The following GYPE variants were observed in gnomAD, a reference collection of about 807,000 sequenced individuals.
The protein encoded by GYPE is glycophorin E (MNS blood group).
Under a neutral mutation model 11.6 loss-of-function variants are expected in GYPE, and 8 were observed. That is an observed-to-expected ratio of 0.69 (90% CI 0.41 to 1.25). GYPE has a LOEUF of 1.25. Among genes scored for constraint, GYPE ranks in the 50% most tolerant of loss-of-function variants. The pLI, the probability that GYPE is intolerant of heterozygous loss-of-function variation, is 0.01. For synonymous variants in GYPE, 28 were observed against 29.6 expected (o/e 0.94, Z 0.18); for missense variants, 90 against 92.8 (o/e 0.97, Z 0.12).
rs145447582 is a variant in GYPE, at chr4:143,891,252, A to C, written c.38-10743T>G. On this transcript the variant is annotated intron_variant, in intron 1 of 3. Coordinates refer to ENST00000358615, the MANE Select transcript of GYPE (RefSeq NM_198682.3). ...TAAACGAGTATGACTATGTTCCAGT[A>C]ATGATTTGTGGGCAGTAGAATTTGA... Among the ~76,000 whole-genome samples, 832 of 152,088 alleles carry C rather than the reference A, an allele frequency of 5.5e-3. 5 individuals carry two copies. Among genetic ancestry groups the C allele is most frequent in the South Asian group, 0.01 (50 of 4,818 alleles).
At chr4:143,903,454 T>G (rs1230709850) in intron 1 of GYPE, among the ~76,000 whole-genome samples, 1 of 134,976 alleles carries the variant, frequency 7.4e-6, no homozygotes, top group Non-Finnish European at 1.5e-5. Flanking sequence ...CTGGTAAGTT[T>G]AGAATTAGAA....
At chr4:143,875,200 T>G (rs1370193468) in intron 3 of GYPE, 3 of 316,184 alleles carry the variant, frequency 9.5e-6, no homozygotes, top group South Asian at 6.7e-5. Context: ...CTTCTGCATG[T>G]TCTCTGCTGT....
rs1019784618 is a variant in GYPE, at chr4:143,876,598, A to G, written c.*9+148T>C. 9.4e-5 allele frequency: 54 copies of G among 575,554 alleles called. 1 individual carries two copies. Among genetic ancestry groups the G allele is most frequent in the Non-Finnish European group, 1.7e-4 (53 of 313,624 alleles). The allele number at this position is 575,554 out of a possible 1,614,324, so 35.7% of individuals were successfully genotyped here. On this transcript the variant is annotated intron_variant, in intron 3 of 3. Transcript: ENST00000358615. ...GCAAAAAATAAATTATGCTAGAGAAACACAGTGACTTCTATGTGTCCAGTT... is the reference window on the plus strand; with the variant it reads ...GCAAAAAATAAATTATGCTAGAGAAGCACAGTGACTTCTATGTGTCCAGTT...
chr4:143,901,161 T>C (rs867529160), intron 1 of GYPE, among the ~76,000 whole-genome samples: 1 of 152,132 alleles, frequency 6.6e-6, no homozygotes, highest in Non-Finnish European at 1.5e-5. Flanking sequence ...AATAACTGTT[T>C]ATAGAACTTT....
chr4:143,890,181 G>A (rs1183280181), intron 1 of GYPE, among the ~76,000 whole-genome samples: 1 of 152,178 alleles, frequency 6.6e-6, no homozygotes, highest in Admixed American at 6.5e-5. Context: ...AGGGTGACCT[G>A]CAGTGGCAAA....
In GYPE at chr4:143,871,942, C is replaced by T. The variant is rs1436335871; in HGVS notation, c.*320G>A. On this transcript the variant is annotated 3_prime_UTR_variant, in exon 4 of 4. Coordinates refer to ENST00000358615, the MANE Select transcript of GYPE (RefSeq NM_198682.3). ...CTGAAGAGTTATCTTGCTGATCTTA[C>T]CCAGGAGGACTGTCCCCTAGGCAAG... 1 of 152,028 alleles carries T rather than the reference C, an allele frequency of 6.6e-6. No homozygotes were observed. Among genetic ancestry groups the T allele is most frequent in the East Asian group, 1.9e-4 (1 of 5,160 alleles). 9.4% of individuals were successfully genotyped at this position (152,028 alleles called of 1,614,324 possible).
chr4:143,873,143 A>G (rs1369914607), intron 3 of GYPE, among the ~76,000 whole-genome samples: 5 of 152,196 alleles, frequency 3.3e-5, no homozygotes. Context: ...TAGTAAGAAT[A>G]AATTCTGCTG....
Position 143,872,210 on chromosome 4 carries a change from C to T in GYPE, c.*52G>A, listed in dbSNP as rs528989546. On this transcript the variant is annotated 3_prime_UTR_variant, in exon 4 of 4. Coordinates refer to ENST00000358615, the MANE Select transcript of GYPE (RefSeq NM_198682.3). Reference sequence around the variant, plus strand: ...ACAGTGAAGTAAAAAAATGTCCTTTCTTTGCTTTCTTCCTCTAATCTCAAT... The same window carrying T: ...ACAGTGAAGTAAAAAAATGTCCTTTTTTTGCTTTCTTCCTCTAATCTCAAT... The T allele has an allele frequency of 6.6e-6, 1 of 152,600 alleles. No homozygotes were observed. Among genetic ancestry groups the T allele is most frequent in the East Asian group, 1.9e-4 (1 of 5,166 alleles). 9.5% of individuals were successfully genotyped at this position (152,600 alleles called of 1,614,324 possible).
chr4:143,897,266 C>A (rs1744688179), intron 1 of GYPE, among the ~76,000 whole-genome samples: 1 of 151,974 alleles, frequency 6.6e-6, no homozygotes, highest in African/African-American at 2.4e-5. Flanking sequence ...GAGCTCGAGA[C>A]CACCCTGGGC....
chr4:143,876,799 C>A lies in GYPE; in HGVS notation c.193G>T (p.Val65Phe), dbSNP rs766244851. 1.9e-6 allele frequency: 3 copies of A among 1,610,912 alleles called. No individual in the cohort carries two copies. The highest frequency in any genetic ancestry group is 3.3e-5 in the Admixed American group (2 of 59,892). The part of the protein sequence containing the change: ...MARVIFEVML[V>F]VVGMIILISY... ...ATTAAGATGATCATTCCAACAACAACAAGCATCACCTCAAAAATAACACGA... is the reference window on the plus strand; with the variant it reads ...ATTAAGATGATCATTCCAACAACAAAAAGCATCACCTCAAAAATAACACGA... The change falls in exon 3 of 4, where the codon GTT (valine) becomes TTT (phenylalanine). Residue 65 changes from valine to phenylalanine, a missense_variant. Physicochemically the swap from Val to Phe is conservative, Grantham distance 50. Coordinates refer to ENST00000358615, the MANE Select transcript of GYPE (RefSeq NM_198682.3).
intron 2 of GYPE, chr4:143,878,594 G>A (rs1258289315): frequency 2.1e-6 from 1 of 465,232 alleles, no homozygotes; most frequent in Non-Finnish European, 4.4e-6. Flanking sequence ...CAATGGGATA[G>A]TTTAAAATGG....
intron 1 of GYPE, among the ~76,000 whole-genome samples, chr4:143,883,556 A>AATAATAACATGTAAT (rs1299891438): frequency 4.2e-4 from 15 of 35,432 alleles, no homozygotes; most frequent in South Asian, 7.7e-4. Context: ...AAATTAATTT[A>AATAATAACATGTAAT]TAATTATTAA....
intron 1 of GYPE, among the ~76,000 whole-genome samples, chr4:143,903,524 C>CAAAAAAAAAAAAAAAAAAAAA (rs11400558): frequency 4.0e-5 from 4 of 98,840 alleles, no homozygotes; most frequent in Admixed American, 2.5e-4. Flanking sequence ...TTTTTCATAG[C>CAAAAAAAAAAAAAAAAAAAAA]AAAAAAAAAA....
At chr4:143,905,352 G>A in intron 1 of GYPE, 119 bp downstream of exon 1, 2 of 1,497,280 alleles carry the variant, frequency 1.3e-6, no homozygotes, top group Non-Finnish European at 1.8e-6. Context: ...CAGACTGGAA[G>A]AGGAAATACT....
intron 2 of GYPE, among the ~76,000 whole-genome samples, chr4:143,879,730 A>T (rs56037061): frequency 0.24 from 36,777 of 150,888 alleles, 4,539 homozygotes; most frequent in East Asian, 0.37. Context: ...TGAGAAAGGG[A>T]ACAAGAATGA....
chr4:143,881,711 T>G (rs1744028770), intron 1 of GYPE, among the ~76,000 whole-genome samples: 1 of 152,208 alleles, frequency 6.6e-6, no homozygotes, highest in South Asian at 2.1e-4. Context: ...TTCTATTCTG[T>G]GCATTCATGT....
intron 1 of GYPE, among the ~76,000 whole-genome samples, chr4:143,892,894 A>G (rs1294372004): frequency 7.1e-5 from 10 of 141,680 alleles, no homozygotes; most frequent in Non-Finnish European, 9.4e-5. Flanking sequence ...TGATCTGTCT[A>G]ATGTTGACAG....
At chr4:143,894,656 A>C (rs1428566901) in intron 1 of GYPE, among the ~76,000 whole-genome samples, 1 of 152,202 alleles carries the variant, frequency 6.6e-6, no homozygotes, top group Non-Finnish European at 1.5e-5. Context: ...TCATTTTATG[A>C]GGCCAGCATC....
At chr4:143,903,580 C>T (rs1467602763) in intron 1 of GYPE, among the ~76,000 whole-genome samples, 1 of 145,808 alleles carries the variant, frequency 6.9e-6, no homozygotes, top group African/African-American at 2.5e-5. Flanking sequence ...GTTTAGTCTT[C>T]AGCTAATCAG....
Sources: allele counts gnomAD v4.1 joint callset (sites outside exome capture counted in the v4.1 genomes callset), GRCh38; gene constraint gnomAD v4.1.1; transcripts MANE v1.5; gene names NCBI Gene and HGNC (gene_info 2026-07-23, HGNC 2026-07-21).